MRPL24: variants seen among roughly 807,000 people sequenced by gnomAD.
MRPL24 encodes mitochondrial ribosomal protein L24, also known as large ribosomal subunit protein uL24m.
In MRPL24, 15 loss-of-function variants were observed where a neutral mutation model predicts 26.9. The ratio of observed to expected loss-of-function variants is 0.56; its 90% CI spans 0.37 to 0.86. The LOEUF (loss-of-function observed/expected upper bound fraction) is 0.86, where lower values mean the gene tolerates loss of function less well. MRPL24 is among the 40% of genes least tolerant of loss of function. The pLI, the probability that MRPL24 is intolerant of heterozygous loss-of-function variation, is 0.00. For missense variants in MRPL24, 241 were observed against 281.4 expected (o/e 0.86, Z 1.03); for synonymous variants, 92 against 102.4 (o/e 0.90, Z 0.62).
rs777004183 is a variant in MRPL24, at chr1:156,738,317, C to T, written c.279+26G>A. ...GGACAGATGAGACAGGCTTCCTGAG[C>T]ATCCCCATCCCCTCTCTCAACTTAC... On this transcript the variant is annotated intron_variant, in intron 3 of 5. Coordinates refer to ENST00000361531, the MANE Select transcript of MRPL24 (RefSeq NM_145729.3). The T allele has an allele frequency of 5.6e-6, 9 of 1,605,464 alleles. No individual in the cohort carries two copies. The South Asian group carries it at 9.9e-5, about 18-fold the overall frequency.
chr1:156,738,581 G>A lies in MRPL24; in HGVS notation c.124C>T (p.Arg42Cys), dbSNP rs765130559. Reference sequence around the variant, plus strand: ...GAGATGGGTTCCACAACCACTGGGCGCCGCCTGATCCATGGGGGGTTCTTC... The same window carrying A: ...GAGATGGGTTCCACAACCACTGGGCACCGCCTGATCCATGGGGGGTTCTTC... ...KRKNPPWIRR[R>C]PVVVEPISDE... is the part of the protein sequence containing the mutation. Residue 42 changes from arginine (R) to cysteine (C), a missense_variant, in exon 2 of 6, where the codon CGC (arginine) becomes TGC (cysteine). Physicochemically the swap from Arg to Cys is radical, Grantham distance 180. Transcript: ENST00000361531. The A allele has an allele frequency of 1.6e-5, 26 of 1,613,896 alleles. No individual in the cohort carries two copies. The highest frequency in any genetic ancestry group is 1.6e-4 in the Middle Eastern group (1 of 6,080).
In MRPL24 at chr1:156,738,638, T is replaced by C. The variant is rs757602457; in HGVS notation, c.67A>G (p.Met23Val). The change falls in exon 2 of 6, where the codon ATG becomes GTG. Residue 23 changes from methionine to valine, a missense_variant. By Grantham distance (21) the Met-to-Val change is conservative (BLOSUM62 1). Transcript: ENST00000361531. ...TCTGCAACAGAGCCTGGGGGGCTCA[T>C]CCCATAGCGGTAATGGGGGGGCAGA... is the stretch of plus-strand genomic sequence containing the variant. ...VTLPPHYRYGMSPPGSVADKR... is the reference protein window; with the variant it reads ...VTLPPHYRYGVSPPGSVADKR... 3.7e-6 allele frequency: 6 copies of C among 1,608,364 alleles called. No individual in the cohort carries two copies. In the Admixed American group the frequency reaches 8.6e-5, roughly 23 times the overall value.
In MRPL24 at chr1:156,737,468, AGT is replaced by A; in HGVS notation, c.579_580del (p.Leu194AlafsTer54). 6.2e-7 allele frequency: 1 copy of A among 1,612,648 alleles called. No individual in the cohort carries two copies. The highest frequency in any genetic ancestry group is 8.5e-7 in the Non-Finnish European group (1 of 1,179,390). On this transcript the variant is annotated frameshift_variant, in exon 6 of 6. Transcript: ENST00000361531. LOFTEE classifies it high-confidence loss of function. ...CATGGCCTCCATCACCTCCTCCTGC[AGT>A]GTCTTTAGACAGGGCACATAGGTTC... is the stretch of plus-strand genomic sequence containing the variant.
At chr1:156,737,857 A>C in intron 4 of MRPL24, 81 bp from the exon 5 acceptor site, 1 of 1,576,100 alleles carries the variant, frequency 6.3e-7, no homozygotes, top group South Asian at 1.1e-5. Context: ...GTGGTTCAAA[A>C]CACAAGGGTT....
intron 3 of MRPL24, 74 bp downstream of exon 3, chr1:156,738,269 C>G (rs1328226478): frequency 8.4e-6 from 13 of 1,550,276 alleles, no homozygotes; most frequent in Non-Finnish European, 1.2e-5. Context: ...CTCCTGCCAC[C>G]CTGTGCTGCT....
chr1:156,738,482 G>A, intron 2 of MRPL24, 40 bp downstream of exon 2: 1 of 1,613,254 alleles, frequency 6.2e-7, no homozygotes, highest in Non-Finnish European at 8.5e-7. Flanking sequence ...CCTTGCCCAG[G>A]AGGTTCCCCA....
chr1:156,738,671 T>C lies in MRPL24; in HGVS notation c.34A>G (p.Lys12Glu), dbSNP rs781647106. ...CGGTAATGGGGGGGCAGAGTGACCT[T>C]GGATGCCAAGGCCAGCAGGGCAGAA... Reference protein sequence around the residue: ...RLSALLALASKVTLPPHYRYG... With the variant: ...RLSALLALASEVTLPPHYRYG... The change falls in exon 2 of 6, where the codon AAG (lysine) becomes GAG (glutamate). Residue 12 changes from lysine (K) to glutamate (E), a missense_variant. Physicochemically the swap from Lys to Glu is moderately conservative, Grantham distance 56. Coordinates refer to ENST00000361531, the MANE Select transcript of MRPL24 (RefSeq NM_145729.3). 1.1e-5 allele frequency: 18 copies of C among 1,594,236 alleles called. No homozygotes were observed. The highest frequency in any genetic ancestry group is 1.1e-5 in the Non-Finnish European group (13 of 1,174,628).
At chr1:156,737,609 A>G (rs773964808) in intron 5 of MRPL24, 37 bp downstream of exon 5, 4 of 1,612,864 alleles carry the variant, frequency 2.5e-6, no homozygotes, top group East Asian at 2.2e-5. Context: ...TCTCACTCCT[A>G]GCACCCACCC....
chr1:156,742,133 C>T (rs1306660319), upstream of MRPL24: 4 of 152,598 alleles, frequency 2.6e-5, no homozygotes, highest in African/African-American at 7.2e-5. Context: ...TTTTATTTTC[C>T]TAGAACTGAA....
chr1:156,737,597 A>G (rs781023154), intron 5 of MRPL24, 49 bp downstream of exon 5: 1 of 1,609,842 alleles, frequency 6.2e-7, no homozygotes, highest in Non-Finnish European at 8.5e-7. Context: ...AATGTCCCCT[A>G]CTCTCACTCC....
chr1:156,738,333 C>T lies in MRPL24; in HGVS notation c.279+10G>A, dbSNP rs1053494970. The stretch of plus-strand genomic sequence containing the variant: ...CTTCCTGAGCATCCCCATCCCCTCT[C>T]TCAACTTACTGTGTTCAGCCCTCCC... On this transcript the variant is annotated intron_variant, in intron 3 of 5. Coordinates refer to ENST00000361531, the MANE Select transcript of MRPL24 (RefSeq NM_145729.3). 10 of 1,613,726 alleles carry T rather than the reference C, an allele frequency of 6.2e-6. No homozygotes were observed. The African/African-American group carries it at 8.0e-5, about 13-fold the overall frequency.
chr1:156,741,238 CG>C (rs577928415), upstream of MRPL24: 1 of 152,144 alleles, frequency 6.6e-6, no homozygotes, highest in Non-Finnish European at 1.5e-5. Context: ...GGAAGTTTGG[CG>C]GGGGTAGGAA....
chr1:156,737,898 G>A, intron 4 of MRPL24, 122 bp from the exon 5 acceptor site: 1 of 1,467,890 alleles, frequency 6.8e-7, no homozygotes, highest in Non-Finnish European at 9.3e-7. Flanking sequence ...CTGTGTTGGG[G>A]TTACCCGCAG....
chr1:156,738,065 G>A lies in MRPL24; in HGVS notation c.349C>T (p.His117Tyr), dbSNP rs11550900. The A allele has an allele frequency of 6.2e-7, 1 of 1,614,068 alleles. No homozygotes were observed. The highest frequency in any genetic ancestry group is 8.5e-7 in the Non-Finnish European group (1 of 1,180,042). ...TMIPSEAPLL[H>Y]RQVKLVDPMD... is the part of the protein sequence containing the mutation. ...GGATCCACAAGTTTGACCTGGCGGT[G>A]GAGCAAGGGGGCTTCACTAGGGATC... Residue 117 changes from histidine (H) to tyrosine (Y), a missense_variant, in exon 4 of 6, where the codon CAC becomes TAC. Coordinates refer to ENST00000361531, the MANE Select transcript of MRPL24 (RefSeq NM_145729.3).
rs761955518 is a variant in MRPL24, at chr1:156,737,723, A to G, written c.437T>C (p.Val146Ala). 6.2e-7 allele frequency: 1 copy of G among 1,613,426 alleles called. No homozygotes were observed. Among genetic ancestry groups the G allele is most frequent in the Non-Finnish European group, 8.5e-7 (1 of 1,179,900 alleles). ...GATAATTCTCCCTGATCGTGTGGAG[A>G]CTCGTACCCGCTCTCCTGCTTCAGT... is the stretch of plus-strand genomic sequence containing the variant. Reference protein sequence around the residue: ...RFTEAGERVRVSTRSGRIIPK... With the variant: ...RFTEAGERVRASTRSGRIIPK... The change falls in exon 5 of 6, where the codon GTC becomes GCC. Residue 146 changes from valine (V) to alanine (A), a missense_variant. Val to Ala is a moderately conservative substitution (Grantham distance 64). Transcript: ENST00000361531.
upstream of MRPL24, chr1:156,742,107 T>A (rs1031690089): frequency 6.6e-6 from 1 of 152,616 alleles, no homozygotes; most frequent in Non-Finnish European, 1.5e-5. Context: ...CAGAATCCAA[T>A]ATAGTAATCA....
At chr1:156,741,622 T>C (rs1241833854), upstream of MRPL24, 2 of 152,062 alleles carry the variant, frequency 1.3e-5, no homozygotes, top group Non-Finnish European at 2.9e-5. Flanking sequence ...AAACCAGTCA[T>C]TCCACTTAAC....
At position 156,738,542 on chromosome 1, in the gene MRPL24, AC is replaced by A; in HGVS notation, c.162del (p.Trp54CysfsTer12). 6.2e-7 allele frequency: 1 copy of A among 1,614,080 alleles called. No homozygotes were observed. ...CTCACCGTGTCCCCACAGAACAGATACCAGTCTTCATCAGAGATGGGTTCCA... is the reference window on the plus strand; with the variant it reads ...CTCACCGTGTCCCCACAGAACAGATACAGTCTTCATCAGAGATGGGTTCCA... ...VVVEPISDEDWYLFCGDTVEI... is the reference protein window; with the variant it reads ...VVVEPISDEDXYLFCGDTVEI... On this transcript the variant is annotated frameshift_variant, in exon 2 of 6. Coordinates refer to ENST00000361531, the MANE Select transcript of MRPL24 (RefSeq NM_145729.3). LOFTEE classifies it high-confidence loss of function.
At chr1:156,741,237 G>C (rs189940933), upstream of MRPL24, 48 of 152,354 alleles carry the variant, frequency 3.2e-4, no homozygotes, top group Middle Eastern at 6.8e-3. Context: ...AGGAAGTTTG[G>C]CGGGGGTAGG....
Sources: gnomAD v4.1 joint callset for allele counts on GRCh38, gnomAD v4.1.1 for gene constraint, MANE v1.5 for transcripts, NCBI Gene and HGNC (gene_info 2026-07-23, HGNC 2026-07-21) for gene names.